Variants in IL1RAPL2 observed in about 807,000 individuals in gnomAD.
IL1RAPL2 encodes the protein X-linked interleukin-1 receptor accessory protein-like 2.
IL1RAPL2 carries 3 observed loss-of-function variants against 44.1 expected under a neutral mutation model. That is an observed-to-expected ratio of 0.07 (90% CI 0.03 to 0.18). The LOEUF (loss-of-function observed/expected upper bound fraction) is 0.18. Among genes scored for constraint, IL1RAPL2 ranks in the 10% least tolerant of loss-of-function variants. IL1RAPL2 has a pLI of 1.00. For missense variants in IL1RAPL2, 391 were observed against 496.4 expected (o/e 0.79, Z 2.02); for synonymous variants, 181 against 178.8 (o/e 1.01, Z -0.10).
rs866419759 is a variant in IL1RAPL2 at position 105,119,869 on chromosome X, A to G, written c.83-75606A>G. On this transcript the variant is annotated intron_variant, in intron 2 of 10. Transcript: ENST00000372582. The stretch of plus-strand genomic sequence containing the variant: ...TAACAATGACTATAGTAATTAAATT[A>G]CTATAGTAATTTAGTATAGTAATTA... Among the ~76,000 whole-genome samples, 3 of 111,239 alleles carry G rather than the reference A, an allele frequency of 2.7e-5. No homozygotes were observed. In the South Asian group the frequency reaches 1.1e-3, roughly 43 times the overall value.
intron 2 of IL1RAPL2, among the ~76,000 whole-genome samples, chrX:105,033,993 C>A (rs1374597218): frequency 8.9e-6 from 1 of 111,858 alleles, no homozygotes; most frequent in Non-Finnish European, 1.9e-5. Context: ...ATCACAGATA[C>A]CCTTTCTTCC....
At chrX:105,375,304 G>A in intron 5 of IL1RAPL2, among the ~76,000 whole-genome samples, 1 of 111,119 alleles carries the variant, frequency 9.0e-6, no homozygotes. Flanking sequence ...GAGGTCAGGA[G>A]ATCAAGACCA....
chrX:105,221,071 C>A (rs1219869156), intron 3 of IL1RAPL2, among the ~76,000 whole-genome samples: 2 of 111,737 alleles, frequency 1.8e-5, no homozygotes, highest in African/African-American at 6.5e-5. Flanking sequence ...ACTCCTAAAT[C>A]CTAGTATACA....
At position 105,003,239 on chromosome X, in the gene IL1RAPL2, T is replaced by A. The variant is rs2030884088; in HGVS notation, c.83-192236T>A. Among the ~76,000 whole-genome samples the A allele has an allele frequency of 2.7e-5, 3 of 111,195 alleles. No individual in the cohort carries two copies. The South Asian group carries it at 1.1e-3, about 42-fold the overall frequency. On this transcript the variant is annotated intron_variant, in intron 2 of 10. Coordinates refer to ENST00000372582, the MANE Select transcript of IL1RAPL2 (RefSeq NM_017416.2). ...TTATTACTCTACATTATTATAAGTA[T>A]CCAGTAAAAATAAGAGTGAAATCTG...
At chrX:104,937,273 A>G (rs1925051528) in intron 2 of IL1RAPL2, among the ~76,000 whole-genome samples, 1 of 112,262 alleles carries the variant, frequency 8.9e-6, no homozygotes, top group African/African-American at 3.2e-5. Context: ...TTTGCACAAT[A>G]CAAGATTACT....
At chrX:104,767,322 T>C (rs1423847020) in intron 2 of IL1RAPL2, among the ~76,000 whole-genome samples, 2 of 112,025 alleles carry the variant, frequency 1.8e-5, no homozygotes, top group Non-Finnish European at 3.8e-5. Flanking sequence ...ATAATGACTT[T>C]GACTAAAAGG....
At position 104,777,289 on chromosome X, in the gene IL1RAPL2, G is replaced by T. The variant is rs1158521392; in HGVS notation, c.82+118294G>T. Among the ~76,000 whole-genome samples the T allele has an allele frequency of 1.5e-4, 17 of 110,429 alleles. No individual in the cohort carries two copies. The Admixed American group carries it at 1.6e-3, about 11-fold the overall frequency. ...ACTACTCTAGGTACGTCATATAAGT[G>T]GGATCATACAATATTTATCCTTTTG... On this transcript the variant is annotated intron_variant, in intron 2 of 10. Coordinates refer to ENST00000372582, the MANE Select transcript of IL1RAPL2 (RefSeq NM_017416.2).
chrX:105,311,352 GT>G, intron 5 of IL1RAPL2, among the ~76,000 whole-genome samples: 1 of 106,141 alleles, frequency 9.4e-6, no homozygotes, highest in African/African-American at 3.4e-5. Context: ...GTCCCATCTG[GT>G]TTTTTTTTCT....
intron 2 of IL1RAPL2, among the ~76,000 whole-genome samples, chrX:104,934,102 CTG>C (rs1226724426): frequency 8.9e-6 from 1 of 111,873 alleles, no homozygotes; most frequent in Non-Finnish European, 1.9e-5. Context: ...AAAAAGCAGA[CTG>C]TAAAATGTAG....
intron 2 of IL1RAPL2, among the ~76,000 whole-genome samples, chrX:105,093,194 AACACAC>A (rs748741070): frequency 5.6e-5 from 6 of 107,090 alleles, no homozygotes; most frequent in African/African-American, 1.4e-4. Context: ...CACACACAGA[AACACAC>A]ACACACACAC....
intron 2 of IL1RAPL2, among the ~76,000 whole-genome samples, chrX:104,951,433 A>G (rs1160600579): frequency 8.9e-6 from 1 of 112,444 alleles, no homozygotes; most frequent in African/African-American, 3.2e-5. Flanking sequence ...TGTAAATTGA[A>G]TGCACAACTC....
intron 2 of IL1RAPL2, among the ~76,000 whole-genome samples, chrX:104,775,616 G>T (rs1178513169): frequency 9.0e-6 from 1 of 111,372 alleles, no homozygotes; most frequent in South Asian, 3.8e-4. Context: ...AGGAAACAAA[G>T]GTCAAGTATT....
intron 2 of IL1RAPL2, among the ~76,000 whole-genome samples, chrX:104,852,745 G>A (rs1368645762): frequency 8.9e-6 from 1 of 111,981 alleles, no homozygotes; most frequent in African/African-American, 3.2e-5. Context: ...ATTAAAACAC[G>A]AATTACATCA....
chrX:104,703,722 TA>T (rs1323678177), intron 2 of IL1RAPL2, among the ~76,000 whole-genome samples: 1 of 112,292 alleles, frequency 8.9e-6, no homozygotes, highest in Admixed American at 9.4e-5. Context: ...CCTCACAAAC[TA>T]CTCTGTGTGG....
intron 6 of IL1RAPL2, among the ~76,000 whole-genome samples, chrX:105,561,784 A>G (rs1169382955): frequency 1.8e-5 from 2 of 111,873 alleles, no homozygotes; most frequent in Non-Finnish European, 3.8e-5. Flanking sequence ...CCTTTGCTAC[A>G]ATATATTTCT....
At chrX:105,125,870 A>G (rs1015124246) in intron 2 of IL1RAPL2, among the ~76,000 whole-genome samples, 6 of 110,818 alleles carry the variant, frequency 5.4e-5, no homozygotes, top group Admixed American at 9.6e-5. Flanking sequence ...GGAAAACTGT[A>G]CTTAAAATCA....
At chrX:104,608,435 G>A (rs894016634) in intron 1 of IL1RAPL2, among the ~76,000 whole-genome samples, 6 of 110,716 alleles carry the variant, frequency 5.4e-5, no homozygotes, top group Admixed American at 9.7e-5. Flanking sequence ...ACAATGGGGT[G>A]TTAAAGTTTC....
At chrX:105,519,945 T>C (rs2036543663) in intron 6 of IL1RAPL2, among the ~76,000 whole-genome samples, 1 of 111,795 alleles carries the variant, frequency 8.9e-6, no homozygotes, top group Non-Finnish European at 1.9e-5. Context: ...TTATAAGAGG[T>C]AGTTCTTTGG....
At chrX:104,861,667 A>T (rs1248896528) in intron 2 of IL1RAPL2, among the ~76,000 whole-genome samples, 1 of 110,901 alleles carries the variant, frequency 9.0e-6, no homozygotes, top group Non-Finnish European at 1.9e-5. Context: ...GAGTACCAAA[A>T]TCCACCGATG....
Sources: gnomAD v4.1 joint callset for allele counts (sites outside exome capture counted in the v4.1 genomes callset) on GRCh38, gnomAD v4.1.1 for gene constraint, MANE v1.5 for transcripts, NCBI Gene and HGNC (gene_info 2026-07-23, HGNC 2026-07-21) for gene names.